PATJ: variants seen among roughly 807,000 people sequenced by gnomAD.
The protein encoded by PATJ is PATJ crumbs cell polarity complex component.
A neutral mutation model predicts 224.9 loss-of-function variants in PATJ; 190 were observed. The ratio of observed to expected loss-of-function variants is 0.84; its 90% CI spans 0.75 to 0.95. PATJ has a LOEUF of 0.95. Among genes scored for constraint, PATJ ranks in the 40% least tolerant of loss-of-function variants. PATJ has a pLI of 0.00. For synonymous variants in PATJ, 769 were observed against 820.3 expected, an observed-to-expected ratio of 0.94 and a Z score of 1.07; for missense variants, 2,121 against 2,270.3, an observed-to-expected ratio of 0.93 and a Z score of 1.34.
intron 27 of PATJ, among the ~76,000 whole-genome samples, chr1:61,988,637 AT>A (rs1055494545): frequency 6.6e-6 from 1 of 152,186 alleles, no homozygotes; most frequent in African/African-American, 2.4e-5. Flanking sequence ...GTTCTTTAAG[AT>A]TCTCTTCAAA....
At chr1:62,040,372 A>G (rs543550622) in intron 30 of PATJ, among the ~76,000 whole-genome samples, 4 of 152,154 alleles carry the variant, frequency 2.6e-5, no homozygotes, top group Admixed American at 2.6e-4. Flanking sequence ...GCCTCCCAAA[A>G]GTGCTGGGAT....
At chr1:61,841,939 C>T (rs2148837607) in intron 17 of PATJ, among the ~76,000 whole-genome samples, 1 of 152,220 alleles carries the variant, frequency 6.6e-6, no homozygotes, top group Non-Finnish European at 1.5e-5. Context: ...GTTCTGTATC[C>T]CTTAAATCAT....
intron 1 of PATJ, among the ~76,000 whole-genome samples, chr1:61,744,940 A>G (rs1016788088): frequency 2.0e-5 from 3 of 152,220 alleles, no homozygotes; most frequent in African/African-American, 7.2e-5. Flanking sequence ...TAGGTTTATT[A>G]CTAGTTTATT....
At chr1:62,149,605 C>A (rs201935676) in intron 42 of PATJ, among the ~76,000 whole-genome samples, 1 of 132,898 alleles carries the variant, frequency 7.5e-6, no homozygotes, top group Admixed American at 7.5e-5. Flanking sequence ...GTGGCCTTTT[C>A]CTTAAAAAAA....
At chr1:61,840,486 G>A (rs985851103) in intron 17 of PATJ, among the ~76,000 whole-genome samples, 6 of 151,548 alleles carry the variant, frequency 4.0e-5, no homozygotes, top group Admixed American at 3.9e-4. Context: ...ATAAGTAATA[G>A]TACTTATTTA....
intron 38 of PATJ, among the ~76,000 whole-genome samples, chr1:62,122,614 C>T (rs189949992): frequency 1.1e-4 from 17 of 152,118 alleles, no homozygotes; most frequent in African/African-American, 3.6e-4. Context: ...CACTTGAGGT[C>T]GAGAGTTTGA....
At chr1:61,975,127 T>G (rs996685712) in intron 27 of PATJ, among the ~76,000 whole-genome samples, 2 of 151,890 alleles carry the variant, frequency 1.3e-5, no homozygotes, top group Non-Finnish European at 2.9e-5. Flanking sequence ...TTTTATTTTT[T>G]GTAAAGATGG....
At chr1:61,821,295 C>T (rs944737831) in intron 14 of PATJ, among the ~76,000 whole-genome samples, 2 of 152,006 alleles carry the variant, frequency 1.3e-5, no homozygotes, top group Non-Finnish European at 2.9e-5. Flanking sequence ...TCCTCCCGCT[C>T]GGCCTCCCAA....
intron 41 of PATJ, among the ~76,000 whole-genome samples, chr1:62,145,683 G>A (rs772250134): frequency 6.6e-6 from 1 of 150,982 alleles, no homozygotes; most frequent in African/African-American, 2.4e-5. Flanking sequence ...AAGGCCAGGT[G>A]CAGTGGCTCA....
At chr1:61,795,393 C>T in intron 9 of PATJ, 74 bp from the exon 10 acceptor site, 2 of 769,404 alleles carry the variant, frequency 2.6e-6, no homozygotes, top group Non-Finnish European at 4.4e-6. Context: ...GCTAATTAAC[C>T]TCTTGATACA....
chr1:61,917,793 C>T (rs1304806671), intron 26 of PATJ, among the ~76,000 whole-genome samples: 1 of 152,096 alleles, frequency 6.6e-6, no homozygotes, highest in Non-Finnish European at 1.5e-5. Flanking sequence ...GTGGCTCATG[C>T]CTGCAATCCT....
intron 15 of PATJ, 57 bp downstream of exon 15, chr1:61,823,136 G>A (rs1028468195): frequency 1.8e-5 from 28 of 1,564,988 alleles, no homozygotes; most frequent in Admixed American, 1.5e-4. Context: ...TTAGGAAAAC[G>A]TGTTCTCATC....
chr1:62,103,971 C>A (rs1662557825), intron 33 of PATJ, among the ~76,000 whole-genome samples: 3 of 152,138 alleles, frequency 2.0e-5, no homozygotes, highest in Admixed American at 2.0e-4. Context: ...AATCCTTTGC[C>A]TCTATAGCCT....
chr1:62,093,566 C>G (rs1350551175), intron 33 of PATJ, among the ~76,000 whole-genome samples: 1 of 152,024 alleles, frequency 6.6e-6, no homozygotes, highest in Non-Finnish European at 1.5e-5. Context: ...ATCTTATTAC[C>G]TTAGTTTTAT....
intron 6 of PATJ, among the ~76,000 whole-genome samples, chr1:61,772,306 A>T (rs1646666086): frequency 6.6e-6 from 1 of 152,100 alleles, no homozygotes; most frequent in South Asian, 2.1e-4. Context: ...TGATTATTTG[A>T]AAAACATTAT....
At chr1:62,135,001 TGTG>T (rs1666676671) in intron 41 of PATJ, among the ~76,000 whole-genome samples, 2 of 151,474 alleles carry the variant, frequency 1.3e-5, no homozygotes, top group South Asian at 4.1e-4. Flanking sequence ...TCATGGCCTA[TGTG>T]AGTATCACTA....
At chr1:61,877,025 GC>G (rs1333204490) in intron 21 of PATJ, among the ~76,000 whole-genome samples, 1 of 152,100 alleles carries the variant, frequency 6.6e-6, no homozygotes, top group East Asian at 1.9e-4. Context: ...TGTTTCCCAG[GC>G]TTTGCTCGAA....
At chr1:61,906,293 T>C (rs1671847956) in intron 24 of PATJ, among the ~76,000 whole-genome samples, 1 of 152,154 alleles carries the variant, frequency 6.6e-6, no homozygotes, top group Non-Finnish European at 1.5e-5. Flanking sequence ...ATCTTGTTGT[T>C]CAAGGGTTTT....
At chr1:62,071,030 G>A (rs1657300328) in intron 31 of PATJ, among the ~76,000 whole-genome samples, 1 of 152,108 alleles carries the variant, frequency 6.6e-6, no homozygotes, top group African/African-American at 2.4e-5. Flanking sequence ...AACATGCCTA[G>A]GAAAGAGACC....
Sources: allele counts gnomAD v4.1 joint callset (sites outside exome capture counted in the v4.1 genomes callset), GRCh38; gene constraint gnomAD v4.1.1; transcripts MANE v1.5; gene names NCBI Gene and HGNC (gene_info 2026-07-23, HGNC 2026-07-21).